Variants in LAMA3 observed in about 807,000 individuals in gnomAD.
LAMA3 encodes laminin subunit alpha-3.
LAMA3 carries 281 observed loss-of-function variants against 402.0 expected under a neutral mutation model. The ratio of observed to expected loss-of-function variants is 0.70; its 90% CI spans 0.63 to 0.77. The LOEUF is 0.77. Among genes scored for constraint, LAMA3 ranks in the 30% least tolerant of loss-of-function variants. The pLI, the probability that LAMA3 is intolerant of heterozygous loss-of-function variation, is 0.00. For missense variants in LAMA3, 3,840 were observed against 4,215.5 expected, an observed-to-expected ratio of 0.91 and a Z score of 2.47; for synonymous variants, 1,431 against 1,558.4, an observed-to-expected ratio of 0.92 and a Z score of 1.93.
At chr18:23,915,010 T>A in intron 58 of LAMA3, 150 bp downstream of exon 58, 2 of 750,914 alleles carry the variant, frequency 2.7e-6, no homozygotes, top group East Asian at 5.4e-5. Flanking sequence ...TAACACTTAT[T>A]GAGTGCTTCC....
Position 23,942,371 on chromosome 18 carries a change from G to A in LAMA3, c.9027-1417G>A, listed in dbSNP as rs568888710. 2.7e-4 allele frequency among the ~76,000 whole-genome samples: 41 copies of A among 152,262 alleles called. 1 individual carries two copies. Among genetic ancestry groups the A allele is most frequent in the African/African-American group, 9.1e-4 (38 of 41,534 alleles). On this transcript the variant is annotated intron_variant, in intron 68 of 74. Transcript: ENST00000313654. ...TATGCATCCCTCTCAGGGCACCCCT[G>A]CACCATAAACCACTCAAGGAAGGAA... is the stretch of plus-strand genomic sequence containing the variant.
intron 2 of LAMA3, among the ~76,000 whole-genome samples, chr18:23,737,675 C>T (rs986453153): frequency 3.3e-5 from 5 of 152,210 alleles, no homozygotes; most frequent in South Asian, 2.1e-4. Context: ...TCAGCATCGC[C>T]CTCATCCAGG....
chr18:23,899,682 T>C (rs1015375465), intron 47 of LAMA3: 4 of 452,082 alleles, frequency 8.8e-6, no homozygotes, highest in Non-Finnish European at 1.6e-5. Flanking sequence ...AAAAAAAAAG[T>C]TCTTCTAAAA....
At chr18:23,691,567 G>C (rs546077064) in intron 1 of LAMA3, among the ~76,000 whole-genome samples, 70 of 152,168 alleles carry the variant, frequency 4.6e-4, no homozygotes, top group Middle Eastern at 3.4e-3. Context: ...TAACAATTCA[G>C]TTTTTAATTT....
rs867101259 is a variant in LAMA3 at position 23,773,563 on chromosome 18, G to C, written c.1249G>C (p.Val417Leu). The change falls in exon 9 of 75, where the codon GTG becomes CTG. Residue 417 changes from valine to leucine, a missense_variant. Val to Leu is a conservative substitution (Grantham distance 32). Transcript: ENST00000313654. ...CTATTACCGCCCTTATGGGGTTCCA[G>C]TGGATGCCCCTGATGGCTGCATCCG... ...KGYYRPYGVP[V>L]DAPDGCIPCS... The C allele has an allele frequency of 1.3e-6, 2 of 1,592,738 alleles. No homozygotes were observed. Among genetic ancestry groups the C allele is most frequent in the African/African-American group, 1.3e-5 (1 of 74,698 alleles).
At chr18:23,723,084 T>G (rs1372549879) in intron 2 of LAMA3, among the ~76,000 whole-genome samples, 2 of 152,198 alleles carry the variant, frequency 1.3e-5, no homozygotes, top group African/African-American at 2.4e-5. Flanking sequence ...TCACTCTCCC[T>G]GTTAATGAGC....
At chr18:23,747,678 G>A (rs2061675883) in intron 2 of LAMA3, among the ~76,000 whole-genome samples, 1 of 151,984 alleles carries the variant, frequency 6.6e-6, no homozygotes, top group Non-Finnish European at 1.5e-5. Flanking sequence ...GCAATGGAAT[G>A]GCATATTGGT....
chr18:23,840,500 G>A (rs8085413), intron 27 of LAMA3, among the ~76,000 whole-genome samples: 146,723 of 151,368 alleles, frequency 0.97, 71,133 homozygotes, highest in East Asian at 1. Context: ...CTCCCATCTC[G>A]GCCTCCCAAG....
chr18:23,818,570 A>G (rs977638608), intron 18 of LAMA3, among the ~76,000 whole-genome samples: 6 of 152,258 alleles, frequency 3.9e-5, no homozygotes, highest in African/African-American at 1.2e-4. Flanking sequence ...ACAAGTGTAG[A>G]AAGAATTCAC....
At chr18:23,831,448 C>T (rs1051061963) in intron 23 of LAMA3, among the ~76,000 whole-genome samples, 3 of 152,026 alleles carry the variant, frequency 2.0e-5, no homozygotes, top group African/African-American at 7.2e-5. Flanking sequence ...GTTCCCTCTA[C>T]CCAAACACTC....
chr18:23,767,578 C>CTTTTTTTTT (rs71163640), intron 8 of LAMA3, among the ~76,000 whole-genome samples: 3 of 125,782 alleles, frequency 2.4e-5, no homozygotes, highest in Non-Finnish European at 3.2e-5. Context: ...TCTTTCTTTT[C>CTTTTTTTTT]TTTTTTTTTT....
intron 2 of LAMA3, among the ~76,000 whole-genome samples, chr18:23,733,668 C>T (rs2061429470): frequency 6.6e-6 from 1 of 152,116 alleles, no homozygotes; most frequent in African/African-American, 2.4e-5. Context: ...GAAGATAAAT[C>T]GGAGTTTATT....
intron 46 of LAMA3, 28 bp from the exon 47 acceptor site, chr18:23,899,260 G>C: frequency 6.2e-7 from 1 of 1,605,192 alleles, no homozygotes; most frequent in Non-Finnish European, 8.5e-7. Context: ...AGAATTCCCA[G>C]TCTAATAGAC....
intron 47 of LAMA3, 38 bp from the exon 48 acceptor site, chr18:23,901,089 C>A (rs749005294): frequency 7.1e-6 from 11 of 1,554,012 alleles, no homozygotes; most frequent in Non-Finnish European, 9.8e-6. Flanking sequence ...TCAGTATGCT[C>A]ATCTGTCAAA....
intron 1 of LAMA3, chr18:23,710,173 C>CT: frequency 2.9e-6 from 2 of 687,884 alleles, no homozygotes; most frequent in East Asian, 6.1e-5. Flanking sequence ...ACGTGCAGAT[C>CT]TTTTTTTGTG....
chr18:23,791,292 A>C (rs955673409), intron 12 of LAMA3, among the ~76,000 whole-genome samples: 1 of 152,250 alleles, frequency 6.6e-6, no homozygotes, highest in Admixed American at 6.5e-5. Context: ...CAGAGTGTGG[A>C]GACTTCAGTC....
In LAMA3 at chr18:23,914,707, G is replaced by T. The variant is rs2081553413; in HGVS notation, c.7491G>T (p.Gln2497His). Residue 2497 changes from glutamine (Q) to histidine (H), a missense_variant, in exon 58 of 75, where the codon CAG becomes CAT. Around this residue, in one of 3 missense-constraint regions of LAMA3, gnomAD observed 891 missense variants for 857.5 expected, o/e 1.04. Transcript: ENST00000313654. The part of the protein sequence containing the change: ...MDRVKFQRIY[Q>H]FARLNYTKGA... ...AATTCATTTTAAACAGAATTTATCA[G>T]TTTGCAAGGCTTAATTACACCAAAG... 2.5e-6 allele frequency: 4 copies of T among 1,612,870 alleles called. No homozygotes were observed. The East Asian group carries it at 8.9e-5, about 36-fold the overall frequency.
chr18:23,953,703 G>A (rs2083008879), intron 74 of LAMA3, among the ~76,000 whole-genome samples: 1 of 152,136 alleles, frequency 6.6e-6, no homozygotes, highest in South Asian at 2.1e-4. Context: ...CCTGATACCA[G>A]TAAAGAGTCA....
intron 8 of LAMA3, among the ~76,000 whole-genome samples, chr18:23,769,690 T>C (rs536325253): frequency 6.6e-6 from 1 of 152,274 alleles, no homozygotes; most frequent in Non-Finnish European, 1.5e-5. Context: ...CAAAACCACA[T>C]ACACACACAC....
Sources: allele counts gnomAD v4.1 joint callset (sites outside exome capture counted in the v4.1 genomes callset), GRCh38; gene constraint gnomAD v4.1.1; regional missense constraint gnomAD v4.1.1; transcripts MANE v1.5; gene names NCBI Gene and HGNC (gene_info 2026-07-23, HGNC 2026-07-21).